CNTN5: variants seen among roughly 807,000 people sequenced by gnomAD.
CNTN5 encodes the protein contactin 5.
CNTN5 carries 77 observed loss-of-function variants against 129.1 expected under a neutral mutation model. The ratio of observed to expected loss-of-function variants is 0.60; its 90% CI spans 0.50 to 0.72. CNTN5 has a LOEUF of 0.72. Among genes scored for constraint, CNTN5 ranks in the 30% least tolerant of loss-of-function variants. CNTN5 has a pLI of 0.00. For missense variants in CNTN5, 1,478 were observed against 1,328.8 expected, an observed-to-expected ratio of 1.11 and a Z score of -1.75; for synonymous variants, 509 against 465.6, an observed-to-expected ratio of 1.09 and a Z score of -1.20.
At chr11:100,072,488 G>T (rs772259938) in intron 12 of CNTN5, among the ~76,000 whole-genome samples, 41 of 152,104 alleles carry the variant, frequency 2.7e-4, no homozygotes, top group Non-Finnish European at 4.1e-4. Context: ...CCATTGGAAT[G>T]AATTTTACTT....
At chr11:99,858,887 A>T (rs1287888451) in intron 6 of CNTN5, among the ~76,000 whole-genome samples, 1 of 151,306 alleles carries the variant, frequency 6.6e-6, no homozygotes, top group Non-Finnish European at 1.5e-5. Context: ...AGTGATTATT[A>T]TGTTCTAGAC....
chr11:99,495,170 C>A (rs1349100642), intron 2 of CNTN5, among the ~76,000 whole-genome samples: 1 of 152,040 alleles, frequency 6.6e-6, no homozygotes, highest in Non-Finnish European at 1.5e-5. Flanking sequence ...AGTTCAAGAC[C>A]AGCCTGACCA....
chr11:99,620,498 T>TC (rs1950908854), intron 3 of CNTN5, among the ~76,000 whole-genome samples: 1 of 120,560 alleles, frequency 8.3e-6, no homozygotes, highest in Non-Finnish European at 1.8e-5. Flanking sequence ...TAAAACTCTT[T>TC]TTTTCTTTTC....
chr11:99,560,696 T>C (rs1040953835), intron 3 of CNTN5, among the ~76,000 whole-genome samples: 1 of 152,126 alleles, frequency 6.6e-6, no homozygotes. Context: ...AATACTGTAC[T>C]TAAGCACTGC....
chr11:99,091,982 G>A (rs1866271324), intron 1 of CNTN5, among the ~76,000 whole-genome samples: 1 of 152,098 alleles, frequency 6.6e-6, no homozygotes, highest in Non-Finnish European at 1.5e-5. Flanking sequence ...AAGATTAAAT[G>A]AAATCAGATT....
chr11:100,328,372 T>A (rs971268548), intron 21 of CNTN5, among the ~76,000 whole-genome samples: 1 of 152,076 alleles, frequency 6.6e-6, no homozygotes, highest in African/African-American at 2.4e-5. Context: ...GTGTCTCAAA[T>A]GAGACCGTCC....
intron 1 of CNTN5, among the ~76,000 whole-genome samples, chr11:99,300,750 A>G (rs1269619526): frequency 2.6e-5 from 4 of 152,056 alleles, no homozygotes; most frequent in Admixed American, 2.0e-4. Flanking sequence ...TCAGGCTGAC[A>G]TGAAACAGCA....
At chr11:99,741,806 A>T (rs765716904) in intron 3 of CNTN5, among the ~76,000 whole-genome samples, 3 of 151,996 alleles carry the variant, frequency 2.0e-5, no homozygotes, top group Non-Finnish European at 4.4e-5. Context: ...ATTTTTTTCC[A>T]TTACATTTAC....
intron 13 of CNTN5, among the ~76,000 whole-genome samples, chr11:100,084,406 A>G (rs1057481753): frequency 1.3e-5 from 2 of 152,182 alleles, no homozygotes; most frequent in Non-Finnish European, 2.9e-5. Context: ...TTAGAAAAAA[A>G]GCATTGTACG....
At chr11:100,106,843 ATGT>A (rs1945453387) in intron 13 of CNTN5, among the ~76,000 whole-genome samples, 1 of 152,158 alleles carries the variant, frequency 6.6e-6, no homozygotes, top group African/African-American at 2.4e-5. Context: ...TTTATATAAA[ATGT>A]TGTTTCCAAT....
intron 2 of CNTN5, among the ~76,000 whole-genome samples, chr11:99,514,043 A>C (rs1246668793): frequency 6.6e-6 from 1 of 152,130 alleles, no homozygotes; most frequent in Non-Finnish European, 1.5e-5. Flanking sequence ...CATGGAAGAA[A>C]GTTAAAATAT....
At chr11:99,365,251 TGG>T (rs1474701112) in intron 2 of CNTN5, among the ~76,000 whole-genome samples, 2 of 152,138 alleles carry the variant, frequency 1.3e-5, no homozygotes, top group African/African-American at 4.8e-5. Context: ...TCTCATAGAG[TGG>T]CTATATGGAT....
chr11:99,649,542 T>G (rs2135874734), intron 3 of CNTN5, among the ~76,000 whole-genome samples: 1 of 151,890 alleles, frequency 6.6e-6, no homozygotes, highest in Admixed American at 6.6e-5. Flanking sequence ...TGAAAGAAAA[T>G]ATTTTTTGGT....
At chr11:99,990,481 C>CACACACACACACACAT (rs1814960086) in intron 8 of CNTN5, among the ~76,000 whole-genome samples, 2 of 151,486 alleles carry the variant, frequency 1.3e-5, no homozygotes, top group Non-Finnish European at 2.9e-5. Context: ...CACACACACA[C>CACACACACACACACAT]ACATACATAC....
chr11:99,213,352 A>G (rs1205984264), intron 1 of CNTN5, among the ~76,000 whole-genome samples: 1 of 115,570 alleles, frequency 8.7e-6, no homozygotes, highest in Non-Finnish European at 1.9e-5. Flanking sequence ...AAAATATTAT[A>G]TATGTGTATA....
intron 13 of CNTN5, among the ~76,000 whole-genome samples, chr11:100,076,268 G>T (rs140843589): frequency 6.6e-6 from 1 of 152,146 alleles, no homozygotes; most frequent in East Asian, 1.9e-4. Context: ...CATTCTATCT[G>T]AAATGCATGA....
chr11:99,305,954 C>G (rs937433420), intron 1 of CNTN5, among the ~76,000 whole-genome samples: 2 of 151,492 alleles, frequency 1.3e-5, no homozygotes, highest in African/African-American at 2.4e-5. Flanking sequence ...GCACTCTAGC[C>G]TGGGTGACAC....
At chr11:99,180,557 G>C (rs1591320557) in intron 1 of CNTN5, among the ~76,000 whole-genome samples, 1 of 152,198 alleles carries the variant, frequency 6.6e-6, no homozygotes, top group South Asian at 2.1e-4. Flanking sequence ...GATTGAAATA[G>C]AGATTTCTCT....
intron 3 of CNTN5, among the ~76,000 whole-genome samples, chr11:99,645,262 C>CAAAAAAAAAA (rs71050011): frequency 6.3e-5 from 3 of 47,508 alleles, no homozygotes; most frequent in Non-Finnish European, 4.1e-5. Flanking sequence ...TCCATCTCAA[C>CAAAAAAAAAA]AAAAAAAAAA....
Sources: allele counts gnomAD v4.1 joint callset (sites outside exome capture counted in the v4.1 genomes callset), GRCh38; gene constraint gnomAD v4.1.1; transcripts MANE v1.5; gene names NCBI Gene and HGNC (gene_info 2026-07-23, HGNC 2026-07-21).